Variants in NDUFV2 observed in about 807,000 individuals in gnomAD.
NDUFV2 encodes NADH dehydrogenase [ubiquinone] flavoprotein 2, mitochondrial.
In NDUFV2, 18 loss-of-function variants were observed where a neutral mutation model predicts 31.6. The observed-to-expected ratio is 0.57, with a 90% CI of 0.39 to 0.84. The LOEUF is 0.84. Among genes scored for constraint, NDUFV2 ranks in the 40% least tolerant of loss-of-function variants. The probability of loss-of-function intolerance (pLI) is 0.00; values close to 1 mark genes in which losing one functional copy is unlikely to be tolerated. For missense variants in NDUFV2, 314 were observed against 303.6 expected (o/e 1.03, Z -0.26); for synonymous variants, 83 against 99.8 (o/e 0.83, Z 1.01).
At chr18:9,107,198 A>G (rs2144728964) in intron 1 of NDUFV2, among the ~76,000 whole-genome samples, 1 of 152,344 alleles carries the variant, frequency 6.6e-6, no homozygotes. Flanking sequence ...GTAGGCCACT[A>G]TTGCAAACTG....
intron 7 of NDUFV2, among the ~76,000 whole-genome samples, chr18:9,128,130 G>T (rs1418594644): frequency 6.6e-6 from 1 of 152,090 alleles, no homozygotes; most frequent in Non-Finnish European, 1.5e-5. Context: ...TTTTGTTTAT[G>T]TATATAAATT....
intron 6 of NDUFV2, among the ~76,000 whole-genome samples, chr18:9,126,085 T>C (rs950496989): frequency 1.6e-4 from 24 of 152,210 alleles, no homozygotes; most frequent in African/African-American, 5.1e-4. Context: ...TGGGTACTTA[T>C]TTCTTGATTT....
intron 1 of NDUFV2, among the ~76,000 whole-genome samples, chr18:9,110,594 A>G (rs1158526306): frequency 2.0e-5 from 3 of 152,012 alleles, no homozygotes; most frequent in Non-Finnish European, 4.4e-5. Flanking sequence ...TGCAACCTCA[A>G]CCTCTTGGGC....
chr18:9,119,233 A>G, intron 2 of NDUFV2, 93 bp from the exon 3 acceptor site: 1 of 976,028 alleles, frequency 1.0e-6, no homozygotes, highest in Non-Finnish European at 1.6e-6. Context: ...TAAAATGGAG[A>G]GATTAAACAA....
At chr18:9,130,118 T>C (rs2078027235) in intron 7 of NDUFV2, among the ~76,000 whole-genome samples, 1 of 152,128 alleles carries the variant, frequency 6.6e-6, no homozygotes, top group African/African-American at 2.4e-5. Context: ...GAACCTGGAA[T>C]ATAGGGAATA....
At chr18:9,104,209 A>C (rs1206743539) in intron 1 of NDUFV2, 1 of 1,611,498 alleles carries the variant, frequency 6.2e-7, no homozygotes, top group African/African-American at 1.3e-5. Context: ...ATGAGAAGCC[A>C]CCCTCTGCTG....
At chr18:9,104,822 C>T in intron 1 of NDUFV2, 3 of 967,754 alleles carry the variant, frequency 3.1e-6, no homozygotes, top group Non-Finnish European at 2.8e-6. Flanking sequence ...ACACGTCATA[C>T]GTGTGTAGAA....
chr18:9,106,415 G>C (rs1265060856), intron 1 of NDUFV2, among the ~76,000 whole-genome samples: 2 of 152,184 alleles, frequency 1.3e-5, no homozygotes, highest in Non-Finnish European at 2.9e-5. Flanking sequence ...AGAGTTTATA[G>C]TTATTATTCA....
At chr18:9,120,683 A>G (rs2077928665) in intron 4 of NDUFV2, among the ~76,000 whole-genome samples, 1 of 151,846 alleles carries the variant, frequency 6.6e-6, no homozygotes, top group South Asian at 2.1e-4. Context: ...GTTTTTCCCT[A>G]TGAAAAATAT....
At chr18:9,118,194 T>C (rs1235585594) in intron 2 of NDUFV2, among the ~76,000 whole-genome samples, 1 of 152,230 alleles carries the variant, frequency 6.6e-6, no homozygotes, top group African/African-American at 2.4e-5. Flanking sequence ...CTCAGTCATG[T>C]TGGCTTACTG....
chr18:9,119,856 CAAAGATA>C (rs895615711), intron 4 of NDUFV2, among the ~76,000 whole-genome samples: 1 of 151,090 alleles, frequency 6.6e-6, no homozygotes, highest in African/African-American at 2.4e-5. Flanking sequence ...AGGAAATGGT[CAAAGATA>C]AAAGATTCCA....
rs1360283048 is a variant in NDUFV2, at chr18:9,118,814, T to TG, written c.121-511dup. The stretch of plus-strand genomic sequence containing the variant: ...GGAAAACGTGGGAAAGAGATGGTGC[T>TG]GTTTTTTTTTTTTTTTTTTTTTTTT... On this transcript the variant is annotated intron_variant, in intron 2 of 7. Coordinates refer to ENST00000318388, the MANE Select transcript of NDUFV2 (RefSeq NM_021074.5). Among the ~76,000 whole-genome samples, 8 of 115,844 alleles carry TG rather than the reference T, an allele frequency of 6.9e-5. No individual in the cohort carries two copies. In the South Asian group the frequency reaches 1.2e-3, roughly 18 times the overall value. 76.0% of individuals were successfully genotyped at this position (115,844 alleles called of 152,430 possible).
intron 1 of NDUFV2, among the ~76,000 whole-genome samples, chr18:9,113,818 C>G (rs1340576755): frequency 6.6e-6 from 1 of 152,080 alleles, no homozygotes; most frequent in Non-Finnish European, 1.5e-5. Context: ...GTTGTGAGCC[C>G]CTAAAAGGGA....
At position 9,113,902 on chromosome 18, in the gene NDUFV2, C is replaced by G. The variant is rs369196962; in HGVS notation, c.55-3936C>G. ...CCGAAGCTCCCGGCTGAATAAAGCC[C>G]TTCCTTCTCAGTGTCTGAGGGGTTT... On this transcript the variant is annotated intron_variant, in intron 1 of 7. Coordinates refer to ENST00000318388, the MANE Select transcript of NDUFV2 (RefSeq NM_021074.5). Among the ~76,000 whole-genome samples, 23 of 152,286 alleles carry G rather than the reference C, an allele frequency of 1.5e-4. No homozygotes were observed. In the South Asian group the frequency reaches 1.9e-3, roughly 12 times the overall value.
At chr18:9,108,316 T>C (rs1356139578) in intron 1 of NDUFV2, among the ~76,000 whole-genome samples, 1 of 152,210 alleles carries the variant, frequency 6.6e-6, no homozygotes, top group East Asian at 1.9e-4. Flanking sequence ...ATTTGGAGGA[T>C]GTTTGTAAAA....
chr18:9,134,165 T>C (rs2078064145), intron 7 of NDUFV2, 21 bp from the exon 8 acceptor site: 3 of 1,582,664 alleles, frequency 1.9e-6, no homozygotes, highest in East Asian at 2.2e-5. Flanking sequence ...ATTAATAGTT[T>C]AATATTACTT....
At chr18:9,109,089 A>G (rs1221548645) in intron 1 of NDUFV2, among the ~76,000 whole-genome samples, 1 of 152,132 alleles carries the variant, frequency 6.6e-6, no homozygotes, top group Non-Finnish European at 1.5e-5. Flanking sequence ...TGAGCTGGCA[A>G]TAGGGGAGGC....
chr18:9,118,016 C>T (rs1598345362), intron 2 of NDUFV2, 113 bp downstream of exon 2: 8 of 751,884 alleles, frequency 1.1e-5, no homozygotes, highest in East Asian at 2.5e-5. Context: ...TGATGGTCAT[C>T]GTGAGAATTT....
intron 5 of NDUFV2, 73 bp from the exon 6 acceptor site, chr18:9,124,799 TTC>T (rs2077973883): frequency 1.5e-5 from 20 of 1,355,204 alleles, no homozygotes; most frequent in East Asian, 5.3e-5. Context: ...TCTATAAAAA[TTC>T]TTTTTTTTTT....
Sources: gnomAD v4.1 joint callset for allele counts (sites outside exome capture counted in the v4.1 genomes callset) on GRCh38, gnomAD v4.1.1 for gene constraint, MANE v1.5 for transcripts, NCBI Gene and HGNC (gene_info 2026-07-23, HGNC 2026-07-21) for gene names.